PHF3: variants seen among roughly 807,000 people sequenced by gnomAD.
PHF3 encodes PHD finger protein 3.
PHF3 carries 41 observed loss-of-function variants against 178.4 expected under a neutral mutation model. The ratio of observed to expected loss-of-function variants is 0.23; its 90% CI spans 0.18 to 0.30. The LOEUF (loss-of-function observed/expected upper bound fraction) is 0.30. Among genes scored for constraint, PHF3 ranks in the 10% least tolerant of loss-of-function variants. The probability of loss-of-function intolerance (pLI) is 1.00; values close to 1 mark genes in which losing one functional copy is unlikely to be tolerated. For missense variants in PHF3, 2,346 were observed against 2,398.1 expected (o/e 0.98, Z 0.45); for synonymous variants, 842 against 800.5 (o/e 1.05, Z -0.88).
chr6:63,689,855 C>G (rs1044906035), intron 4 of PHF3, among the ~76,000 whole-genome samples: 1 of 152,120 alleles, frequency 6.6e-6, no homozygotes, highest in Non-Finnish European at 1.5e-5. Flanking sequence ...TAAGTCATGT[C>G]TCACTGAAAC....
Position 63,718,680 on chromosome 6 carries a change from G to A in PHF3, c.*4972G>A, listed in dbSNP as rs77886264. On this transcript the variant is annotated 3_prime_UTR_variant, in exon 16 of 16. Coordinates refer to ENST00000262043, the MANE Select transcript of PHF3 (RefSeq NM_001370348.2). ...TGTTTTTGGGAAAGGGAGGACTCTG[G>A]ATTCCTTGAAAAGATCGCAGGGGTT... 8.5e-5 allele frequency among the ~76,000 whole-genome samples: 13 copies of A among 152,066 alleles called. No homozygotes were observed. The highest frequency in any genetic ancestry group is 1.5e-4 in the Non-Finnish European group (10 of 67,928).
rs146769279 is a variant in PHF3 at position 63,675,174 on chromosome 6, A to G, written c.245-4826A>G. Among the ~76,000 whole-genome samples the G allele has an allele frequency of 3.5e-3, 530 of 152,274 alleles. 4 individuals are homozygous for G. The highest frequency in any genetic ancestry group is 0.012 in the African/African-American group (504 of 41,562). ...CTCGAAGAGATTTCTGAGTATGATC[A>G]TGGATTTTATGCCAAAATTTCAGAA... is the stretch of plus-strand genomic sequence containing the variant. On this transcript the variant is annotated intron_variant, in intron 2 of 15. Coordinates refer to ENST00000262043, the MANE Select transcript of PHF3 (RefSeq NM_001370348.2).
chr6:63,720,986 A>C lies in PHF3; in HGVS notation c.*7278A>C. The C allele has an allele frequency of 6.4e-7, 1 of 1,551,350 alleles. No individual in the cohort carries two copies. The highest frequency in any genetic ancestry group is 8.7e-7 in the Non-Finnish European group (1 of 1,146,764). ...AGTTAACTGCTATTTTCAAGGTCTGATTATGGAGACCAATTGCCAGAAAAT... is the reference window on the plus strand; with the variant it reads ...AGTTAACTGCTATTTTCAAGGTCTGCTTATGGAGACCAATTGCCAGAAAAT... On this transcript the variant is annotated 3_prime_UTR_variant, in exon 16 of 16. Transcript: ENST00000262043.
rs1483506671 is a variant in PHF3, at chr6:63,718,471, A to T, written c.*4763A>T. Reference sequence around the variant, plus strand: ...TTGTTAATGATAATCTCATCTGTTAATGTAACATTTATATAAAAGTTAACT... The same window carrying T: ...TTGTTAATGATAATCTCATCTGTTATTGTAACATTTATATAAAAGTTAACT... On this transcript the variant is annotated 3_prime_UTR_variant, in exon 16 of 16. Transcript: ENST00000262043. 6.6e-6 allele frequency among the ~76,000 whole-genome samples: 1 copy of T among 152,060 alleles called. No individual in the cohort carries two copies. The highest frequency in any genetic ancestry group is 6.6e-5 in the Admixed American group (1 of 15,230).
At chr6:63,657,954 T>C (rs1004031885) in intron 2 of PHF3, among the ~76,000 whole-genome samples, 6 of 152,188 alleles carry the variant, frequency 3.9e-5, no homozygotes, top group African/African-American at 1.4e-4. Context: ...GGGTGAGAAG[T>C]ACCTTATCAT....
chr6:63,666,260 A>G (rs1346249026), intron 2 of PHF3, among the ~76,000 whole-genome samples: 1 of 152,084 alleles, frequency 6.6e-6, no homozygotes, highest in African/African-American at 2.4e-5. Flanking sequence ...TACCTGACAA[A>G]CTTTGACTTT....
At chr6:63,642,534 C>T (rs1764619698) in intron 1 of PHF3, among the ~76,000 whole-genome samples, 1 of 152,134 alleles carries the variant, frequency 6.6e-6, no homozygotes, top group African/African-American at 2.4e-5. Flanking sequence ...TACTTAGCTG[C>T]ATATATTCTG....
chr6:63,642,912 G>GT (rs891713436), intron 1 of PHF3, among the ~76,000 whole-genome samples: 2 of 152,026 alleles, frequency 1.3e-5, no homozygotes, highest in African/African-American at 4.8e-5. Flanking sequence ...TCTTAGATTA[G>GT]TTTTTTTAAG....
In PHF3 at chr6:63,723,819, ATT is replaced by A. The variant is rs2149628383; in HGVS notation, c.*10112_*10113del. ...TATTATTATTATTATTATTATTATT[ATT>A]ATTATTATTATTATTTTGAGACCAG... is the stretch of plus-strand genomic sequence containing the variant. On this transcript the variant is annotated 3_prime_UTR_variant, in exon 16 of 16. Coordinates refer to ENST00000262043, the MANE Select transcript of PHF3 (RefSeq NM_001370348.2). Among the ~76,000 whole-genome samples the A allele has an allele frequency of 6.8e-6, 1 of 147,668 alleles. No individual in the cohort carries two copies. Among genetic ancestry groups the A allele is most frequent in the Admixed American group, 6.8e-5 (1 of 14,754 alleles).
intron 1 of PHF3, among the ~76,000 whole-genome samples, chr6:63,642,877 CA>C (rs1488986011): frequency 6.6e-6 from 1 of 152,062 alleles, no homozygotes; most frequent in South Asian, 2.1e-4. Context: ...ATCTGTTAGC[CA>C]CATTACTAGG....
rs1459499890 is a variant in PHF3 at position 63,719,205 on chromosome 6, A to G, written c.*5497A>G. 6.6e-6 allele frequency among the ~76,000 whole-genome samples: 1 copy of G among 152,014 alleles called. No homozygotes were observed. Among genetic ancestry groups the G allele is most frequent in the Non-Finnish European group, 1.5e-5 (1 of 67,934 alleles). ...TTTTAGGAATGTCTGTAGCCTTTTG[A>G]TTGGAATGGAGTGGCTAAAATAAGA... On this transcript the variant is annotated 3_prime_UTR_variant, in exon 16 of 16. Transcript: ENST00000262043.
chr6:63,711,575 G>T lies in PHF3; in HGVS notation c.3998-11G>T. 1.3e-6 allele frequency: 2 copies of T among 1,550,086 alleles called. No individual in the cohort carries two copies. The highest frequency in any genetic ancestry group is 1.7e-4 in the Middle Eastern group (1 of 5,736). On this transcript the variant is annotated splice_polypyrimidine_tract_variant and intron_variant, in intron 15 of 15. Coordinates refer to ENST00000262043, the MANE Select transcript of PHF3 (RefSeq NM_001370348.2). Reference sequence around the variant, plus strand: ...AATGATGAATTAATTGATGTTTTTGGTTTTATACAGGGCTTGAACTGCATA... The same window carrying T: ...AATGATGAATTAATTGATGTTTTTGTTTTTATACAGGGCTTGAACTGCATA...
At chr6:63,662,713 T>G (rs1765520878) in intron 2 of PHF3, among the ~76,000 whole-genome samples, 1 of 152,220 alleles carries the variant, frequency 6.6e-6, no homozygotes, top group Non-Finnish European at 1.5e-5. Flanking sequence ...TGTCTTTAAG[T>G]GAATCGTGAA....
rs1271873968 is a variant in PHF3 at position 63,711,373 on chromosome 6, G to A, written c.3997+11G>A. 3.2e-6 allele frequency: 5 copies of A among 1,580,524 alleles called. No individual in the cohort carries two copies. The highest frequency in any genetic ancestry group is 2.7e-5 in the African/African-American group (2 of 73,500). ...CTTTTGATGGACCTGGTAGGTATAC[G>A]TTTTAATAATAGGATAAGAATGAAA... On this transcript the variant is annotated intron_variant, in intron 15 of 15. Coordinates refer to ENST00000262043, the MANE Select transcript of PHF3 (RefSeq NM_001370348.2).
intron 2 of PHF3, chr6:63,679,694 C>T (rs1467608224): frequency 2.5e-6 from 1 of 401,196 alleles, no homozygotes; most frequent in Non-Finnish European, 4.9e-6. Flanking sequence ...GGTATAGTCA[C>T]CTATGTCTTT....
intron 5 of PHF3, among the ~76,000 whole-genome samples, chr6:63,692,797 T>C (rs939032459): frequency 5.3e-5 from 8 of 152,196 alleles, no homozygotes; most frequent in Admixed American, 4.6e-4. Context: ...AGGGGATACA[T>C]CTTCATTTTT....
At chr6:63,650,551 A>G (rs1764979676) in intron 2 of PHF3, among the ~76,000 whole-genome samples, 4 of 152,322 alleles carry the variant, frequency 2.6e-5, no homozygotes, top group Admixed American at 6.5e-5. Context: ...CTTTCAAGCA[A>G]AGTGTTGTAA....
chr6:63,709,245 G>C lies in PHF3; in HGVS notation c.3801+5G>C, dbSNP rs749444667. The C allele has an allele frequency of 2.5e-5, 40 of 1,590,622 alleles. No individual in the cohort carries two copies. The highest frequency in any genetic ancestry group is 3.4e-5 in the Non-Finnish European group (40 of 1,160,640). ...ATAAAAGCATCAGGAACCAAGGTGAGGAAAACTTTTTTCACTATACCAGCA... is the reference window on the plus strand; with the variant it reads ...ATAAAAGCATCAGGAACCAAGGTGACGAAAACTTTTTTCACTATACCAGCA... On this transcript the variant is annotated splice_donor_5th_base_variant and intron_variant, in intron 14 of 15. Transcript: ENST00000262043.
chr6:63,701,284 A>G (rs1337034537), intron 9 of PHF3, among the ~76,000 whole-genome samples: 1 of 152,248 alleles, frequency 6.6e-6, no homozygotes, highest in African/African-American at 2.4e-5. Flanking sequence ...TGTATATTTA[A>G]TTACGTGTCT....
Sources: allele counts gnomAD v4.1 joint callset (sites outside exome capture counted in the v4.1 genomes callset), GRCh38; gene constraint gnomAD v4.1.1; transcripts MANE v1.5; gene names NCBI Gene and HGNC (gene_info 2026-07-23, HGNC 2026-07-21).